Variants in EGFR observed in about 807,000 individuals in gnomAD.
EGFR encodes avian erythroblastic leukemia viral (v-erb-b) oncogene homolog.
Under a neutral mutation model 143.0 loss-of-function variants are expected in EGFR, and 58 were observed. That is an observed-to-expected ratio of 0.41 (90% CI 0.33 to 0.50). EGFR has a LOEUF of 0.50. EGFR is among the 20% of genes least tolerant of loss of function. The pLI is 0.39. For synonymous variants in EGFR, 613 were observed against 594.4 expected (o/e 1.03, Z -0.45); for missense variants, 1,307 against 1,579.0 (o/e 0.83, Z 2.92).
Position 55,173,093 on chromosome 7 carries a change from G to T in EGFR, c.2030G>T (p.Arg677Leu). The T allele has an allele frequency of 6.2e-7, 1 of 1,612,318 alleles. No homozygotes were observed. The change falls in exon 17 of 28, where the codon CGC becomes CTC. Residue 677 changes from arginine to leucine, a missense_variant. Arg to Leu is a moderately radical substitution (Grantham distance 102, BLOSUM62 -2). Transcript: ENST00000275493. The part of the protein sequence containing the change: ...FMRRRHIVRK[R>L]TLRRLLQERE... The stretch of plus-strand genomic sequence containing the variant: ...CGAAGGCGCCACATCGTTCGGAAGC[G>T]CACGCTGCGGAGGCTGCTGCAGGAG...
At chr7:55,083,173 C>A (rs535602775) in intron 1 of EGFR, among the ~76,000 whole-genome samples, 73 of 152,212 alleles carry the variant, frequency 4.8e-4, no homozygotes, top group Non-Finnish European at 9.0e-4. Context: ...TTGAACATAC[C>A]TTATTGAACA....
intron 1 of EGFR, among the ~76,000 whole-genome samples, chr7:55,117,523 G>A (rs142538134): frequency 2.5e-4 from 38 of 152,322 alleles, no homozygotes; most frequent in Admixed American, 1.1e-3. Flanking sequence ...GATACTAGCA[G>A]AGCTGGGGCA....
chr7:55,107,748 A>C (rs1267039509), intron 1 of EGFR, among the ~76,000 whole-genome samples: 1 of 152,264 alleles, frequency 6.6e-6, no homozygotes, highest in Non-Finnish European at 1.5e-5. Context: ...TATTTTTTGC[A>C]CAAGTGCCTA....
At chr7:55,189,551 G>A (rs950353743) in intron 20 of EGFR, among the ~76,000 whole-genome samples, 1 of 152,204 alleles carries the variant, frequency 6.6e-6, no homozygotes, top group Non-Finnish European at 1.5e-5. Context: ...AAACGAAGCT[G>A]GGAATGTGCT....
rs1785211762 is a variant in EGFR, at chr7:55,152,574, C to T, written c.657C>T (p.Cys219=). ...KLTKIICAQQ[C]SGRCRGKSPS... Reference sequence around the variant, plus strand: ...CCAAAATCATCTGTGCCCAGCAGTGCTCCGGGCGCTGCCGTGGCAAGTCCC... The same window carrying T: ...CCAAAATCATCTGTGCCCAGCAGTGTTCCGGGCGCTGCCGTGGCAAGTCCC... Residue 219 remains cysteine, a synonymous_variant, in exon 6 of 28, where the codon TGC becomes TGT. Transcript: ENST00000275493. 21 of 1,613,840 alleles carry T rather than the reference C, an allele frequency of 1.3e-5. No homozygotes were observed. The highest frequency in any genetic ancestry group is 1.8e-5 in the Non-Finnish European group (21 of 1,180,046).
At chr7:55,173,798 C>G (rs113356449) in intron 17 of EGFR, 123 bp from the exon 18 acceptor site, 58 of 1,490,302 alleles carry the variant, frequency 3.9e-5, no homozygotes, top group African/African-American at 2.9e-4. Flanking sequence ...TGGCAAGTGC[C>G]GTGTCCTGGC....
At chr7:55,118,688 G>A (rs1793018574) in intron 1 of EGFR, among the ~76,000 whole-genome samples, 1 of 152,066 alleles carries the variant, frequency 6.6e-6, no homozygotes, top group Non-Finnish European at 1.5e-5. Context: ...CAGAGCCATG[G>A]GTGACAGCTC....
Position 55,171,141 on chromosome 7 carries a change from A to G in EGFR, c.1881-34A>G, listed in dbSNP as rs192152763. The G allele has an allele frequency of 4.2e-4, 678 of 1,613,948 alleles. 6 individuals are homozygous for G. In the African/African-American group the frequency reaches 8.0e-3, roughly 19 times the overall value. On this transcript the variant is annotated intron_variant, in intron 15 of 27. Coordinates refer to ENST00000275493, the MANE Select transcript of EGFR (RefSeq NM_005228.5). ...AAATATATGCCAAAGAAGTAGAATG[A>G]GAAAAATGTATATTTCTCTTTCACT...
At chr7:55,148,240 G>A (rs1476294586) in intron 4 of EGFR, among the ~76,000 whole-genome samples, 1 of 152,054 alleles carries the variant, frequency 6.6e-6, no homozygotes, top group Non-Finnish European at 1.5e-5. Context: ...CAGCTGTCTG[G>A]TGGACAATGG....
chr7:55,122,533 T>C (rs1584095858), intron 1 of EGFR, among the ~76,000 whole-genome samples: 1 of 152,342 alleles, frequency 6.6e-6, no homozygotes, highest in African/African-American at 2.4e-5. Context: ...TGAGCTCCGC[T>C]CACTTTTGGC....
chr7:55,031,181 G>T (rs2128863134), intron 1 of EGFR, among the ~76,000 whole-genome samples: 1 of 152,348 alleles, frequency 6.6e-6, no homozygotes. Context: ...CAGGTTTAGA[G>T]AGGATTGCCA....
At chr7:55,104,176 C>T (rs1454836014) in intron 1 of EGFR, among the ~76,000 whole-genome samples, 1 of 152,224 alleles carries the variant, frequency 6.6e-6, no homozygotes, top group Admixed American at 6.5e-5. Context: ...CTGGTAGGCA[C>T]TATCCCGAGT....
intron 27 of EGFR, among the ~76,000 whole-genome samples, chr7:55,204,508 C>T (rs943201799): frequency 7.0e-6 from 1 of 142,616 alleles, no homozygotes. Flanking sequence ...CCCACACACA[C>T]ACAAACATAT....
At chr7:55,044,717 G>GC (rs1440585986) in intron 1 of EGFR, among the ~76,000 whole-genome samples, 1 of 151,972 alleles carries the variant, frequency 6.6e-6, no homozygotes, top group African/African-American at 2.4e-5. Context: ...GTTTCCCGCC[G>GC]CCCCCCGCAT....
intron 1 of EGFR, among the ~76,000 whole-genome samples, chr7:55,121,112 G>T (rs1793176235): frequency 6.6e-6 from 1 of 152,158 alleles, no homozygotes; most frequent in Non-Finnish European, 1.5e-5. Context: ...GTCATACTGT[G>T]CAGGGATGAA....
chr7:55,026,321 G>C (rs1786880846), intron 1 of EGFR, among the ~76,000 whole-genome samples: 2 of 152,116 alleles, frequency 1.3e-5, no homozygotes, highest in Admixed American at 6.5e-5. Flanking sequence ...TATTTCACAA[G>C]TTAGTCCATT....
intron 1 of EGFR, among the ~76,000 whole-genome samples, chr7:55,081,292 C>T (rs1250171497): frequency 6.6e-6 from 1 of 152,192 alleles, no homozygotes; most frequent in African/African-American, 2.4e-5. Context: ...GCCAGGGCCA[C>T]ACACCGTAAC....
chr7:55,165,385 T>C lies in EGFR; in HGVS notation c.1828T>C (p.Tyr610His). 1 of 1,614,166 alleles carries C rather than the reference T, an allele frequency of 6.2e-7. No individual in the cohort carries two copies. Among genetic ancestry groups the C allele is most frequent in the Non-Finnish European group, 8.5e-7 (1 of 1,180,030 alleles). ...MGENNTLVWK[Y>H]ADAGHVCHLC... is the part of the protein sequence containing the mutation. ...AGAAAACAACACCCTGGTCTGGAAG[T>C]ACGCAGACGCCGGCCATGTGTGCCA... Residue 610 changes from tyrosine (Y) to histidine (H), a missense_variant, in exon 15 of 28, where the codon TAC becomes CAC. Transcript: ENST00000275493.
intron 14 of EGFR, among the ~76,000 whole-genome samples, 169 bp from the exon 15 acceptor site, chr7:55,165,111 A>G (rs907330291): frequency 1.3e-5 from 2 of 152,256 alleles, no homozygotes; most frequent in African/African-American, 2.4e-5. Flanking sequence ...AACAGTGACC[A>G]TATCAAGCAG....
Sources: allele counts gnomAD v4.1 joint callset (sites outside exome capture counted in the v4.1 genomes callset), GRCh38; gene constraint gnomAD v4.1.1; transcripts MANE v1.5; gene names NCBI Gene and HGNC (gene_info 2026-07-23, HGNC 2026-07-21).